The following FAM20C variants were observed in gnomAD, a reference collection of about 807,000 sequenced individuals.
FAM20C encodes the protein FAM20C golgi associated secretory pathway kinase.
FAM20C carries 40 observed loss-of-function variants against 51.5 expected under a neutral mutation model. That is an observed-to-expected ratio of 0.78 (90% CI 0.60 to 1.01). FAM20C has a LOEUF of 1.01. Ranked by LOEUF, FAM20C falls within the 50% of genes least tolerant of loss-of-function variation. FAM20C has a pLI of 0.00. For synonymous variants in FAM20C, 406 were observed against 380.6 expected, an observed-to-expected ratio of 1.07 and a Z score of -0.78; for missense variants, 861 against 844.7, an observed-to-expected ratio of 1.02 and a Z score of -0.24.
chr7:244,237 C>T (rs1371216620), intron 3 of FAM20C, among the ~76,000 whole-genome samples: 1 of 152,148 alleles, frequency 6.6e-6, no homozygotes, highest in Non-Finnish European at 1.5e-5. Flanking sequence ...GAAATCTTGC[C>T]TCCATCTGGA....
intron 3 of FAM20C, among the ~76,000 whole-genome samples, chr7:216,665 G>T (rs1162202521): frequency 2.9e-5 from 4 of 139,486 alleles, no homozygotes; most frequent in Middle Eastern, 3.7e-3. Flanking sequence ...GTGTGTGTGA[G>T]AGACAGAGTG....
chr7:242,392 C>G (rs950669732), intron 3 of FAM20C, among the ~76,000 whole-genome samples: 1 of 152,038 alleles, frequency 6.6e-6, no homozygotes, highest in African/African-American at 2.4e-5. Context: ...CAGGACGGAA[C>G]GATTCCAGAG....
chr7:249,571 G>T (rs139931311), intron 5 of FAM20C, among the ~76,000 whole-genome samples: 25 of 152,252 alleles, frequency 1.6e-4, no homozygotes, highest in Non-Finnish European at 2.5e-4. Context: ...TGAGACCCCT[G>T]TCTACAGGAA....
At chr7:194,451 G>A (rs986382686) in intron 1 of FAM20C, among the ~76,000 whole-genome samples, 5 of 126,518 alleles carry the variant, frequency 4.0e-5, no homozygotes, top group Admixed American at 2.0e-4. Flanking sequence ...ATCAAAACAA[G>A]CAGATGCTAC....
At chr7:224,468 T>C (rs1313011832) in intron 3 of FAM20C, among the ~76,000 whole-genome samples, 10 of 5,256 alleles carry the variant, frequency 1.9e-3, no homozygotes, top group Non-Finnish European at 3.1e-3. Flanking sequence ...CCTTCTCTCA[T>C]TGCGCAGAAT....
chr7:219,121 C>T (rs989929630), intron 3 of FAM20C, among the ~76,000 whole-genome samples: 7 of 152,272 alleles, frequency 4.6e-5, no homozygotes, highest in East Asian at 1.9e-4. Context: ...TTTGGAGGCA[C>T]GGTTGCCTTC....
chr7:201,152 A>G (rs993794639), intron 2 of FAM20C, among the ~76,000 whole-genome samples: 1 of 152,200 alleles, frequency 6.6e-6, no homozygotes, highest in South Asian at 2.1e-4. Flanking sequence ...CAGCACACAC[A>G]GCTGTCCCCA....
chr7:251,989 C>G (rs527895044), intron 5 of FAM20C, among the ~76,000 whole-genome samples: 2 of 152,352 alleles, frequency 1.3e-5, no homozygotes, highest in South Asian at 4.1e-4. Context: ...CCCTGTCAGT[C>G]CGATTTCTTC....
At position 208,074 on chromosome 7, in the gene FAM20C, T is replaced by G. The variant is rs117516208; in HGVS notation, c.785-824T>G. On this transcript the variant is annotated intron_variant, in intron 2 of 9. Transcript: ENST00000313766. ...TCTCCCCAAAGTCACCCTGCTCAGG[T>G]TGCTTGTAGCTCCCCAGAAACGCGG... 9.7e-3 allele frequency among the ~76,000 whole-genome samples: 1,476 copies of G among 152,322 alleles called. 13 individuals are homozygous for G. Among genetic ancestry groups the G allele is most frequent in the Admixed American group, 0.015 (236 of 15,304 alleles).
chr7:245,154 C>T (rs903837902), intron 3 of FAM20C, among the ~76,000 whole-genome samples: 2 of 152,240 alleles, frequency 1.3e-5, no homozygotes, highest in Non-Finnish European at 2.9e-5. Flanking sequence ...AGGAAGGACC[C>T]GGCCGGGGAA....
At chr7:257,218 A>G (rs1384849606) in intron 8 of FAM20C, 132 bp downstream of exon 8, 3 of 932,302 alleles carry the variant, frequency 3.2e-6, no homozygotes, top group South Asian at 1.7e-5. Context: ...GCAAAGGCCC[A>G]TCTCAGAGCC....
rs1562402049 is a variant in FAM20C at position 258,425 on chromosome 7, ACTGCCTGGG to A, written c.1446-220_1446-212del. ...TGCTGGAGATGGGTGGGGTGGACCCACTGCCTGGGGTGCTGGAGATGGGTGGGATGGACC... is the reference window on the plus strand; with the variant it reads ...TGCTGGAGATGGGTGGGGTGGACCCAGTGCTGGAGATGGGTGGGATGGACC... On this transcript the variant is annotated intron_variant, in intron 8 of 9. Coordinates refer to ENST00000313766, the MANE Select transcript of FAM20C (RefSeq NM_020223.4). Among the ~76,000 whole-genome samples, 18 of 75,246 alleles carry A rather than the reference ACTGCCTGGG, an allele frequency of 2.4e-4. 4 individuals carry two copies. The highest frequency in any genetic ancestry group is 6.9e-4 in the East Asian group (2 of 2,884). 49.4% of individuals were successfully genotyped at this position (75,246 alleles called of 152,430 possible). A position where few individuals can be genotyped will look rare whatever the true frequency, so the allele number is the denominator to read the frequency against.
chr7:257,105 C>A lies in FAM20C; in HGVS notation c.1445+19C>A. 6.5e-7 allele frequency: 1 copy of A among 1,536,058 alleles called. No individual in the cohort carries two copies. Among genetic ancestry groups the A allele is most frequent in the African/African-American group, 1.4e-5 (1 of 73,144 alleles). On this transcript the variant is annotated intron_variant, in intron 8 of 9. Coordinates refer to ENST00000313766, the MANE Select transcript of FAM20C (RefSeq NM_020223.4). ...GAAGAGGGTGAGCCTGTCCTCGCCC[C>A]TGCACACCCAGGGAAGGGCCGGCCA... is the stretch of plus-strand genomic sequence containing the variant.
chr7:231,109 G>A (rs1787655739), intron 3 of FAM20C, among the ~76,000 whole-genome samples: 2 of 152,172 alleles, frequency 1.3e-5, no homozygotes, highest in African/African-American at 4.8e-5. Flanking sequence ...TACAGAGGCA[G>A]GAGCAGCAGC....
At chr7:200,756 G>A (rs868529872) in intron 2 of FAM20C, among the ~76,000 whole-genome samples, 2 of 152,208 alleles carry the variant, frequency 1.3e-5, no homozygotes, top group Non-Finnish European at 2.9e-5. Context: ...TGTGATGGAC[G>A]GGACTTTGGG....
At chr7:242,910 G>A (rs1230838096) in intron 3 of FAM20C, among the ~76,000 whole-genome samples, 3 of 152,168 alleles carry the variant, frequency 2.0e-5, no homozygotes, top group East Asian at 1.9e-4. Flanking sequence ...TGGCCAGGGC[G>A]AGAACAGCTG....
chr7:211,413 C>T (rs957448944), intron 3 of FAM20C, among the ~76,000 whole-genome samples: 32 of 151,324 alleles, frequency 2.1e-4, no homozygotes, highest in African/African-American at 7.8e-4. Flanking sequence ...CCTCCTCCAC[C>T]TCTTCCTCCC....
intron 3 of FAM20C, among the ~76,000 whole-genome samples, chr7:232,118 C>A (rs977805884): frequency 6.6e-6 from 1 of 152,224 alleles, no homozygotes; most frequent in Non-Finnish European, 1.5e-5. Context: ...GCTCGGCCGC[C>A]GGCCCAGCTG....
At position 256,999 on chromosome 7, in the gene FAM20C, C is replaced by T. The variant is rs2115173580; in HGVS notation, c.1364-6C>T. The T allele has an allele frequency of 6.5e-7, 1 of 1,537,056 alleles. No homozygotes were observed. Among genetic ancestry groups the T allele is most frequent in the Non-Finnish European group, 8.7e-7 (1 of 1,146,880 alleles). On this transcript the variant is annotated splice_region_variant and splice_polypyrimidine_tract_variant and intron_variant, in intron 7 of 9. Coordinates refer to ENST00000313766, the MANE Select transcript of FAM20C (RefSeq NM_020223.4). ...GAGCTGTGACACTTTCTGCCTCTCTCCGCAGGAAACATGGACCGTCACCAC... is the reference window on the plus strand; with the variant it reads ...GAGCTGTGACACTTTCTGCCTCTCTTCGCAGGAAACATGGACCGTCACCAC...
Sources: allele counts gnomAD v4.1 joint callset (sites outside exome capture counted in the v4.1 genomes callset), GRCh38; gene constraint gnomAD v4.1.1; transcripts MANE v1.5; gene names NCBI Gene and HGNC (gene_info 2026-07-23, HGNC 2026-07-21).